Variants in CNTN5 observed in about 807,000 individuals in gnomAD.
The protein encoded by CNTN5 is contactin-5.
CNTN5 carries 77 observed loss-of-function variants against 129.1 expected under a neutral mutation model. The ratio of observed to expected loss-of-function variants is 0.60; its 90% confidence interval spans 0.50 to 0.72. The LOEUF is 0.72. CNTN5 is among the 30% of genes least tolerant of loss of function. CNTN5 has a pLI of 0.00. For missense variants in CNTN5, 1,478 were observed against 1,328.8 expected (o/e 1.11, Z -1.75); for synonymous variants, 509 against 465.6 (o/e 1.09, Z -1.20).
Position 99,536,070 on chromosome 11 carries a change from G to T in CNTN5, c.-70-20075G>T, listed in dbSNP as rs115408788. ...AAGGGTGTCTGTGCATGAGAGATAG[G>T]GTATACAAATGAATCATTTAATAGG... is the stretch of plus-strand genomic sequence containing the variant. On this transcript the variant is annotated intron_variant, in intron 2 of 24. Coordinates refer to ENST00000524871, the MANE Select transcript of CNTN5 (RefSeq NM_014361.4). Among the ~76,000 whole-genome samples the T allele has an allele frequency of 2.4e-3, 362 of 151,964 alleles. 4 individuals carry two copies. The highest frequency in any genetic ancestry group is 8.2e-3 in the African/African-American group (340 of 41,438).
chr11:99,744,488 C>G (rs772751157), intron 3 of CNTN5, among the ~76,000 whole-genome samples: 1 of 140,440 alleles, frequency 7.1e-6, no homozygotes, highest in Non-Finnish European at 1.5e-5. Context: ...TCACTTGAGC[C>G]CAGGAGTTAG....
intron 13 of CNTN5, among the ~76,000 whole-genome samples, chr11:100,182,508 T>C (rs73562424): frequency 0.032 from 4,813 of 152,148 alleles, 256 homozygotes; most frequent in African/African-American, 0.11. Flanking sequence ...ATTAGAGGCT[T>C]ATCATATGAA....
chr11:99,834,535 C>A (rs969837227), intron 4 of CNTN5, among the ~76,000 whole-genome samples: 1 of 152,024 alleles, frequency 6.6e-6, no homozygotes, highest in Non-Finnish European at 1.5e-5. Context: ...AAAGACCAAA[C>A]CACAATTTTA....
At chr11:99,786,485 C>G (rs1439935928) in intron 3 of CNTN5, among the ~76,000 whole-genome samples, 2 of 152,088 alleles carry the variant, frequency 1.3e-5, no homozygotes, top group Admixed American at 6.6e-5. Context: ...ACTTTCTTCA[C>G]AGAATTAGAA....
chr11:100,262,244 C>T (rs1261995018), intron 17 of CNTN5, among the ~76,000 whole-genome samples: 1 of 151,530 alleles, frequency 6.6e-6, no homozygotes, highest in Non-Finnish European at 1.5e-5. Flanking sequence ...AACCACAAAA[C>T]CATCTCATGC....
rs909208856 is a variant in CNTN5 at position 100,238,991 on chromosome 11, G to A, written c.2005+14179G>A. ...TCAGATTGGCACGTTGATAGGCTTG[G>A]CATAATTGGGTTCTCTGTCAGTTTG... is the stretch of plus-strand genomic sequence containing the variant. On this transcript the variant is annotated intron_variant, in intron 16 of 24. Coordinates refer to ENST00000524871, the MANE Select transcript of CNTN5 (RefSeq NM_014361.4). 5.3e-5 allele frequency among the ~76,000 whole-genome samples: 8 copies of A among 152,158 alleles called. No homozygotes were observed. In the East Asian group the frequency reaches 1.4e-3, roughly 26 times the overall value.
At chr11:100,056,354 G>A (rs912058333) in intron 9 of CNTN5, among the ~76,000 whole-genome samples, 1 of 151,456 alleles carries the variant, frequency 6.6e-6, no homozygotes, top group African/African-American at 2.4e-5. Flanking sequence ...ACCAAATATA[G>A]CTTTTAAGTC....
intron 1 of CNTN5, among the ~76,000 whole-genome samples, chr11:99,302,717 G>T (rs1864699175): frequency 6.6e-6 from 1 of 151,594 alleles, no homozygotes; most frequent in Non-Finnish European, 1.5e-5. Flanking sequence ...TGAGGGAACT[G>T]CATGCTTTAA....
At chr11:99,180,955 A>G (rs929855763) in intron 1 of CNTN5, among the ~76,000 whole-genome samples, 1 of 152,230 alleles carries the variant, frequency 6.6e-6, no homozygotes, top group African/African-American at 2.4e-5. Context: ...GCAACATAAC[A>G]GTACGCAGCT....
chr11:100,271,721 C>G (rs550515740), intron 18 of CNTN5, among the ~76,000 whole-genome samples: 2 of 152,264 alleles, frequency 1.3e-5, no homozygotes, highest in South Asian at 4.1e-4. Flanking sequence ...TGACCTACTG[C>G]CTTCCTGAAG....
chr11:100,128,848 G>A (rs541067937), intron 13 of CNTN5, among the ~76,000 whole-genome samples: 1 of 151,908 alleles, frequency 6.6e-6, no homozygotes, highest in East Asian at 1.9e-4. Context: ...GGCTACCAGG[G>A]TTGATATAAA....
intron 2 of CNTN5, among the ~76,000 whole-genome samples, chr11:99,519,870 G>A (rs1947207456): frequency 6.6e-6 from 1 of 152,008 alleles, no homozygotes; most frequent in Non-Finnish European, 1.5e-5. Context: ...CAGAGACCAT[G>A]CATTTAATGT....
Position 100,308,439 on chromosome 11 carries a change from G to C in CNTN5, c.2701G>C (p.Glu901Gln). The change falls in exon 21 of 25, where the codon GAG becomes CAG. Residue 901 changes from glutamate to glutamine, a missense_variant. Coordinates refer to ENST00000524871, the MANE Select transcript of CNTN5 (RefSeq NM_014361.4). ...EILVAWKHIK[E>Q]SLGRPQGFEV... ...TCTTGTTGCATGGAAACACATTAAAGAGAGTCTAGGAAGACCACAGGGATT... is the reference window on the plus strand; with the variant it reads ...TCTTGTTGCATGGAAACACATTAAACAGAGTCTAGGAAGACCACAGGGATT... 1.2e-6 allele frequency: 2 copies of C among 1,610,772 alleles called. No individual in the cohort carries two copies. Among genetic ancestry groups the C allele is most frequent in the South Asian group, 1.1e-5 (1 of 90,986 alleles).
chr11:100,337,676 A>G (rs942696536), intron 21 of CNTN5: 13 of 616,028 alleles, frequency 2.1e-5, no homozygotes, highest in African/African-American at 5.5e-5. Context: ...CTAGCTTCAC[A>G]ATCTGTTTTC....
At chr11:99,756,743 T>C (rs1468650301) in intron 3 of CNTN5, among the ~76,000 whole-genome samples, 1 of 152,106 alleles carries the variant, frequency 6.6e-6, no homozygotes, top group Non-Finnish European at 1.5e-5. Flanking sequence ...TTCTTGCATA[T>C]TCTTGTTATA....
At chr11:100,350,551 T>C in intron 23 of CNTN5, 151 bp from the exon 24 acceptor site, 1 of 503,038 alleles carries the variant, frequency 2.0e-6, no homozygotes, top group East Asian at 3.1e-5. Context: ...GTACTTCTAC[T>C]GCAGTAGACT....
rs538165983 is a variant in CNTN5, at chr11:99,323,843, T to G, written c.-209-1503T>G. Among the ~76,000 whole-genome samples the G allele has an allele frequency of 1.0e-3, 155 of 151,946 alleles. 4 individuals carry two copies. The South Asian group carries it at 0.031, about 31-fold the overall frequency. ...GCATAAAGCAGAAATGTAAAATTGTTACAATATTAAGAAAAGAATGAAGGG... is the reference window on the plus strand; with the variant it reads ...GCATAAAGCAGAAATGTAAAATTGTGACAATATTAAGAAAAGAATGAAGGG... On this transcript the variant is annotated intron_variant, in intron 1 of 24. Transcript: ENST00000524871.
chr11:99,627,763 T>A (rs943293957), intron 3 of CNTN5, among the ~76,000 whole-genome samples: 2 of 151,814 alleles, frequency 1.3e-5, no homozygotes, highest in Non-Finnish European at 2.9e-5. Context: ...CAGCCAGGCA[T>A]TGAAAGGACA....
At chr11:100,018,585 T>A (rs1262567032) in intron 9 of CNTN5, among the ~76,000 whole-genome samples, 1 of 151,972 alleles carries the variant, frequency 6.6e-6, no homozygotes, top group Non-Finnish European at 1.5e-5. Flanking sequence ...TGATAGACAT[T>A]TGGATTCCAT....
Sources: gnomAD v4.1 joint callset for allele counts (sites outside exome capture counted in the v4.1 genomes callset) on GRCh38, gnomAD v4.1.1 for gene constraint, MANE v1.5 for transcripts, NCBI Gene and HGNC (gene_info 2026-07-23, HGNC 2026-07-21) for gene names.